TMEM170B: variants seen among roughly 807,000 people sequenced by gnomAD.
The protein encoded by TMEM170B is transmembrane protein 170B.
In TMEM170B, 6 loss-of-function variants were observed where a neutral mutation model predicts 13.0. That is an observed-to-expected ratio of 0.46 (90% CI 0.25 to 0.91). The LOEUF is 0.91. Among genes scored for constraint, TMEM170B ranks in the 40% least tolerant of loss-of-function variants. The pLI is 0.17. For synonymous variants in TMEM170B, 61 were observed against 64.9 expected (o/e 0.94, Z 0.29); for missense variants, 138 against 165.2 (o/e 0.84, Z 0.90).
intron 1 of TMEM170B, 78 bp downstream of exon 1, chr6:11,538,452 G>T (rs1032516725): frequency 2.1e-5 from 23 of 1,086,548 alleles, no homozygotes; most frequent in South Asian, 1.9e-4. Flanking sequence ...GAGGGGACAC[G>T]CTCCTCGCCG....
At chr6:11,568,374 T>C (rs918035770) in intron 2 of TMEM170B, among the ~76,000 whole-genome samples, 1 of 152,132 alleles carries the variant, frequency 6.6e-6, no homozygotes, top group Non-Finnish European at 1.5e-5. Flanking sequence ...TGTGCAACCA[T>C]GAACAGAGGG....
chr6:11,561,070 T>A (rs1759657968), intron 1 of TMEM170B, among the ~76,000 whole-genome samples: 1 of 152,076 alleles, frequency 6.6e-6, no homozygotes, highest in Non-Finnish European at 1.5e-5. Flanking sequence ...CAGGCAAAAT[T>A]AAGGTGAGGA....
In TMEM170B at chr6:11,538,219, C is replaced by T. The variant is rs1759307285; in HGVS notation, c.-59C>T. 9 of 967,526 alleles carry T rather than the reference C, an allele frequency of 9.3e-6. No individual in the cohort carries two copies. The South Asian group carries it at 4.3e-4, about 46-fold the overall frequency. The allele number at this position is 967,526 out of a possible 1,614,324, so 59.9% of individuals were successfully genotyped here. A position where few individuals can be genotyped will look rare whatever the true frequency, so the allele number is the denominator to read the frequency against. ...GCACCCGCCGCCGCCCCCCGAGCCT[C>T]GCAGCCGCCGCCGCCGCCCGGCACC... On this transcript the variant is annotated 5_prime_UTR_variant, in exon 1 of 3. Coordinates refer to ENST00000379426, the MANE Select transcript of TMEM170B (RefSeq NM_001100829.3).
chr6:11,552,544 A>G (rs989139265), intron 1 of TMEM170B, among the ~76,000 whole-genome samples: 10 of 152,160 alleles, frequency 6.6e-5, no homozygotes, highest in African/African-American at 1.9e-4. Context: ...GTGCATGTGC[A>G]GAAAGCACTG....
intron 1 of TMEM170B, among the ~76,000 whole-genome samples, chr6:11,551,880 T>C (rs866836807): frequency 1.3e-5 from 2 of 152,214 alleles, no homozygotes; most frequent in South Asian, 2.1e-4. Flanking sequence ...GACATGATTA[T>C]GTTGCTGCTC....
intron 1 of TMEM170B, among the ~76,000 whole-genome samples, chr6:11,550,694 C>T (rs768073842): frequency 1.3e-5 from 2 of 151,982 alleles, no homozygotes; most frequent in Non-Finnish European, 2.9e-5. Flanking sequence ...CACAATAATC[C>T]CACGAGGTAG....
chr6:11,569,135 T>C (rs1759768816), intron 2 of TMEM170B, among the ~76,000 whole-genome samples: 1 of 152,072 alleles, frequency 6.6e-6, no homozygotes, highest in African/African-American at 2.4e-5. Flanking sequence ...AATTCTGTGG[T>C]TTTCTTTTGG....
intron 1 of TMEM170B, among the ~76,000 whole-genome samples, chr6:11,557,910 A>T (rs937815994): frequency 6.6e-6 from 1 of 152,022 alleles, no homozygotes; most frequent in Non-Finnish European, 1.5e-5. Context: ...ATTTATTATC[A>T]TTACTATTTT....
chr6:11,549,507 C>CA (rs1394055904), intron 1 of TMEM170B, among the ~76,000 whole-genome samples: 1 of 150,886 alleles, frequency 6.6e-6, no homozygotes. Flanking sequence ...ACTAAAAATA[C>CA]AAAAAGTTAG....
intron 1 of TMEM170B, among the ~76,000 whole-genome samples, chr6:11,562,188 A>G (rs753033588): frequency 1.3e-5 from 2 of 151,960 alleles, no homozygotes; most frequent in Non-Finnish European, 2.9e-5. Flanking sequence ...CTACTCCCTT[A>G]TATTCTCACT....
chr6:11,541,857 CAG>C (rs1759364957), intron 1 of TMEM170B, among the ~76,000 whole-genome samples: 2 of 152,152 alleles, frequency 1.3e-5, no homozygotes, highest in African/African-American at 4.8e-5. Flanking sequence ...TGTTGTATCT[CAG>C]GGAATAGGGA....
intron 1 of TMEM170B, among the ~76,000 whole-genome samples, chr6:11,554,284 A>C (rs1759560945): frequency 6.6e-6 from 1 of 152,030 alleles, no homozygotes; most frequent in Non-Finnish European, 1.5e-5. Context: ...GAATCAAAAA[A>C]TGTTTTTTTG....
intron 2 of TMEM170B, among the ~76,000 whole-genome samples, chr6:11,574,735 G>T (rs1288542384): frequency 6.6e-6 from 1 of 152,058 alleles, no homozygotes; most frequent in Non-Finnish European, 1.5e-5. Flanking sequence ...GAGCACTGAG[G>T]TTCCTCATAC....
chr6:11,563,960 ACT>A (rs754228224), intron 1 of TMEM170B, among the ~76,000 whole-genome samples: 57 of 152,056 alleles, frequency 3.7e-4, no homozygotes, highest in Non-Finnish European at 7.2e-4. Flanking sequence ...ATGGAGCAAG[ACT>A]CTGCCTTAAA....
chr6:11,573,664 C>T (rs370944224), intron 2 of TMEM170B, among the ~76,000 whole-genome samples: 70 of 152,282 alleles, frequency 4.6e-4, no homozygotes, highest in African/African-American at 1.6e-3. Flanking sequence ...TTTGCCATTT[C>T]GCAGGCAGCC....
At chr6:11,551,520 A>T (rs1207016477) in intron 1 of TMEM170B, among the ~76,000 whole-genome samples, 1 of 152,258 alleles carries the variant, frequency 6.6e-6, no homozygotes, top group African/African-American at 2.4e-5. Context: ...CAAGGTGATT[A>T]GAAAAAGCAG....
In TMEM170B at chr6:11,582,074, C is replaced by G. The variant is rs1759964841; in HGVS notation, c.*6513C>G. The G allele has an allele frequency of 6.6e-6, 1 of 152,104 alleles. No individual in the cohort carries two copies. Among genetic ancestry groups the G allele is most frequent in the South Asian group, 2.1e-4 (1 of 4,832 alleles). The allele number at this position is 152,104 out of a possible 1,614,324, so 9.4% of individuals were successfully genotyped here. On this transcript the variant is annotated 3_prime_UTR_variant, in exon 3 of 3. Transcript: ENST00000379426. ...AAATTCACGGTATTTTTTGTTTTAG[C>G]CATCCAAAATTCATAGGATTCTACC...
chr6:11,553,078 A>G (rs1759546187), intron 1 of TMEM170B, among the ~76,000 whole-genome samples: 1 of 152,234 alleles, frequency 6.6e-6, no homozygotes, highest in Admixed American at 6.5e-5. Flanking sequence ...GTTGATAAAG[A>G]GGTGTCTATT....
At chr6:11,555,065 T>C (rs953013094) in intron 1 of TMEM170B, among the ~76,000 whole-genome samples, 10 of 152,182 alleles carry the variant, frequency 6.6e-5, no homozygotes, top group Non-Finnish European at 8.8e-5. Flanking sequence ...GTAGCATAGA[T>C]CTTCTGGCAG....
Sources: gnomAD v4.1 joint callset for allele counts (sites outside exome capture counted in the v4.1 genomes callset) on GRCh38, gnomAD v4.1.1 for gene constraint, MANE v1.5 for transcripts, NCBI Gene and HGNC (gene_info 2026-07-23, HGNC 2026-07-21) for gene names.